The following SULF1 variants were observed in gnomAD, a reference collection of about 807,000 sequenced individuals.
The protein encoded by SULF1 is sulfatase 1.
A neutral mutation model predicts 110.5 loss-of-function variants in SULF1; 46 were observed. The ratio of observed to expected loss-of-function variants is 0.42; its 90% CI spans 0.33 to 0.53. SULF1 has a LOEUF of 0.53. Ranked by LOEUF, SULF1 falls within the 20% of genes least tolerant of loss-of-function variation. SULF1 has a pLI of 0.12. For missense variants in SULF1, 941 were observed against 1,094.2 expected (o/e 0.86, Z 1.98); for synonymous variants, 371 against 387.1 (o/e 0.96, Z 0.49).
chr8:69,576,008 G>T lies in SULF1; in HGVS notation c.211G>T (p.Glu71Ter). The change falls in exon 6 of 23, where the codon GAA (glutamate) becomes TAA (stop). Residue 71 changes from glutamate (E) to a stop codon, truncating the protein, a stop_gained. Coordinates refer to ENST00000402687, the MANE Select transcript of SULF1 (RefSeq NM_001128205.2). LOFTEE classifies it high-confidence loss of function. The stretch of plus-strand genomic sequence containing the variant: ...CATGAACAAAACGAGAAAGATTATG[G>T]AACATGGGGGGGCCACCTTCATCAA... ...QVMNKTRKIM[E>*]HGGATFINAF... 6.2e-7 allele frequency: 1 copy of T among 1,614,078 alleles called. No individual in the cohort carries two copies. The highest frequency in any genetic ancestry group is 1.3e-5 in the African/African-American group (1 of 75,054).
rs539340561 is a variant in SULF1, at chr8:69,575,045, C to T, written c.173-925C>T. Among the ~76,000 whole-genome samples, 3 of 152,214 alleles carry T rather than the reference C, an allele frequency of 2.0e-5. No homozygotes were observed. In the East Asian group the frequency reaches 5.8e-4, roughly 29 times the overall value. ...AGTGGGACCTGTTGGAAATCTGAGGCTCCAAGATTCAAATGCAATGGGCTT... is the reference window on the plus strand; with the variant it reads ...AGTGGGACCTGTTGGAAATCTGAGGTTCCAAGATTCAAATGCAATGGGCTT... On this transcript the variant is annotated intron_variant, in intron 5 of 22. Coordinates refer to ENST00000402687, the MANE Select transcript of SULF1 (RefSeq NM_001128205.2).
chr8:69,490,235 TG>T (rs958885816), upstream of SULF1, among the ~76,000 whole-genome samples: 11 of 151,828 alleles, frequency 7.2e-5, no homozygotes, highest in African/African-American at 2.7e-4. Flanking sequence ...CCCAAGTAGC[TG>T]GGACTACAGG....
intron 22 of SULF1, among the ~76,000 whole-genome samples, chr8:69,651,805 A>G (rs1812364413): frequency 6.6e-6 from 1 of 152,144 alleles, no homozygotes; most frequent in Admixed American, 6.5e-5. Flanking sequence ...AATGATACCA[A>G]TCTGTGATTT....
chr8:69,572,261 G>T (rs1805287227), intron 5 of SULF1, among the ~76,000 whole-genome samples: 2 of 152,176 alleles, frequency 1.3e-5, no homozygotes, highest in Non-Finnish European at 1.5e-5. Flanking sequence ...CATGGTCTCT[G>T]GGAAGACTGC....
chr8:69,541,210 C>G (rs139667027), intron 3 of SULF1, among the ~76,000 whole-genome samples: 217 of 152,240 alleles, frequency 1.4e-3, no homozygotes, highest in African/African-American at 4.9e-3. Flanking sequence ...CAGATGGCAT[C>G]CACATTACAC....
At chr8:69,539,631 T>A (rs1813722858) in intron 3 of SULF1, among the ~76,000 whole-genome samples, 1 of 150,844 alleles carries the variant, frequency 6.6e-6, no homozygotes, top group South Asian at 2.1e-4. Flanking sequence ...AAATTCCAGG[T>A]GGCCTCTAGA....
chr8:69,589,320 G>A (rs1180092393), intron 8 of SULF1, among the ~76,000 whole-genome samples, 179 bp downstream of exon 8: 3 of 152,168 alleles, frequency 2.0e-5, no homozygotes, highest in Admixed American at 6.5e-5. Flanking sequence ...GAAAGAAAGC[G>A]CCTTATCTGG....
intron 1 of SULF1, among the ~76,000 whole-genome samples, chr8:69,467,263 G>A (rs1244407519): frequency 1.3e-5 from 2 of 152,220 alleles, no homozygotes; most frequent in African/African-American, 2.4e-5. Flanking sequence ...ATAAGGCTGA[G>A]AAAGGATTTA....
intron 5 of SULF1, among the ~76,000 whole-genome samples, chr8:69,566,890 C>T (rs1273185501): frequency 2.0e-5 from 3 of 152,148 alleles, no homozygotes; most frequent in Admixed American, 6.5e-5. Context: ...CTCACAGTAA[C>T]TCTAGGAAGT....
intron 8 of SULF1, among the ~76,000 whole-genome samples, chr8:69,600,180 C>T (rs1240111559): frequency 6.6e-6 from 1 of 152,012 alleles, no homozygotes; most frequent in Non-Finnish European, 1.5e-5. Flanking sequence ...TTCCACATAA[C>T]GTATTTGTGA....
chr8:69,559,281 A>T (rs147003484), intron 3 of SULF1, among the ~76,000 whole-genome samples: 56 of 152,366 alleles, frequency 3.7e-4, no homozygotes, highest in African/African-American at 1.2e-3. Context: ...AATAGAATCC[A>T]TTGGTCATCT....
intron 3 of SULF1, among the ~76,000 whole-genome samples, chr8:69,540,465 C>T (rs1463148960): frequency 6.6e-6 from 1 of 152,178 alleles, no homozygotes; most frequent in Non-Finnish European, 1.5e-5. Flanking sequence ...CAGAGGACAT[C>T]TACTTCTCAA....
intron 1 of SULF1, among the ~76,000 whole-genome samples, chr8:69,475,757 T>TTATA (rs1809278479): frequency 6.6e-6 from 1 of 152,238 alleles, no homozygotes; most frequent in Non-Finnish European, 1.5e-5. Flanking sequence ...CAATGTTTAA[T>TTATA]AATATATGTG....
At chr8:69,643,792 G>A (rs1272244598) in intron 22 of SULF1, among the ~76,000 whole-genome samples, 1 of 152,200 alleles carries the variant, frequency 6.6e-6, no homozygotes, top group Non-Finnish European at 1.5e-5. Context: ...AGCTCAAAGG[G>A]AGAGCACAGC....
chr8:69,616,096 T>C (rs867768143), intron 13 of SULF1, among the ~76,000 whole-genome samples: 19 of 132,732 alleles, frequency 1.4e-4, no homozygotes, highest in African/African-American at 3.1e-4. Context: ...TGTATATATA[T>C]ACACACATAT....
chr8:69,646,290 C>G (rs1374015307), intron 22 of SULF1, among the ~76,000 whole-genome samples: 1 of 152,170 alleles, frequency 6.6e-6, no homozygotes, highest in Non-Finnish European at 1.5e-5. Context: ...CTGGCTCCAT[C>G]ACTTCCCAAT....
At chr8:69,632,366 C>T (rs1042103482) in intron 19 of SULF1, among the ~76,000 whole-genome samples, 4 of 152,042 alleles carry the variant, frequency 2.6e-5, no homozygotes, top group African/African-American at 9.7e-5. Context: ...TGTGCACATA[C>T]ACAAGTATAT....
At chr8:69,616,179 TATAA>T (rs1809114339) in intron 13 of SULF1, among the ~76,000 whole-genome samples, 1 of 146,068 alleles carries the variant, frequency 6.8e-6, no homozygotes, top group South Asian at 2.1e-4. Flanking sequence ...TATATGTGTA[TATAA>T]ATATATATAC....
rs1421719038 is a variant in SULF1 at position 69,589,069 on chromosome 8, A to G, written c.662A>G (p.His221Arg). The G allele has an allele frequency of 1.2e-6, 2 of 1,614,220 alleles. No homozygotes were observed. Among genetic ancestry groups the G allele is most frequent in the East Asian group, 4.5e-5 (2 of 44,888 alleles). ...PHRPVMMVISHAAPHGPEDSA... is the reference protein window; with the variant it reads ...PHRPVMMVISRAAPHGPEDSA... ...AGGCCCGTTATGATGGTGATCAGCC[A>G]CGCTGCGCCCCACGGCCCCGAGGAC... Residue 221 changes from histidine (H) to arginine (R), a missense_variant, in exon 8 of 23, where the codon CAC (histidine) becomes CGC (arginine). Around this residue, in one of 3 missense-constraint regions of SULF1, gnomAD observed 822 missense variants for 934.3 expected, o/e 0.88. Transcript: ENST00000402687.
Sources: gnomAD v4.1 joint callset for allele counts (sites outside exome capture counted in the v4.1 genomes callset) on GRCh38, gnomAD v4.1.1 for gene constraint, gnomAD v4.1.1 regional missense constraint, MANE v1.5 for transcripts, NCBI Gene and HGNC (gene_info 2026-07-23, HGNC 2026-07-21) for gene names.